MARCHF3: variants seen among roughly 807,000 people sequenced by gnomAD.
The protein encoded by MARCHF3 is E3 ubiquitin-protein ligase MARCHF3.
A neutral mutation model predicts 24.2 loss-of-function variants in MARCHF3; 13 were observed. The ratio of observed to expected loss-of-function variants is 0.54; its 90% CI spans 0.35 to 0.85. The LOEUF (loss-of-function observed/expected upper bound fraction) is 0.85. MARCHF3 is among the 40% of genes least tolerant of loss of function. The probability of loss-of-function intolerance (pLI) is 0.01; values close to 1 mark genes in which losing one functional copy is unlikely to be tolerated. For synonymous variants in MARCHF3, 144 were observed against 137.3 expected, an observed-to-expected ratio of 1.05 and a Z score of -0.34; for missense variants, 276 against 325.0, an observed-to-expected ratio of 0.85 and a Z score of 1.16.
intron 1 of MARCHF3, among the ~76,000 whole-genome samples, chr5:126,927,297 T>C (rs886707583): frequency 6.6e-6 from 1 of 152,210 alleles, no homozygotes; most frequent in Non-Finnish European, 1.5e-5. Context: ...ATAGCCTGTA[T>C]CCTGGATTCT....
intron 1 of MARCHF3, among the ~76,000 whole-genome samples, chr5:126,971,215 C>A (rs61563447): frequency 6.6e-6 from 1 of 151,756 alleles, no homozygotes; most frequent in African/African-American, 2.4e-5. Context: ...TTTGGGAGGC[C>A]GAGGCGGGCA....
At chr5:126,893,172 TTCTC>T (rs1262470883) in intron 3 of MARCHF3, among the ~76,000 whole-genome samples, 7 of 152,118 alleles carry the variant, frequency 4.6e-5, no homozygotes, top group Non-Finnish European at 1.0e-4. Context: ...TATTCGATTC[TTCTC>T]TCTTTTTTTC....
chr5:126,915,117 G>A lies in MARCHF3; in HGVS notation c.206C>T (p.Pro69Leu), dbSNP rs377229243. The A allele has an allele frequency of 2.6e-5, 42 of 1,613,768 alleles. No individual in the cohort carries two copies. The highest frequency in any genetic ancestry group is 3.2e-5 in the Non-Finnish European group (38 of 1,180,048). ...LATQSPFNDR[P>L]MCRICHEGSS... ...GCCCTCGTGGCAGATCCTGCACATCGGCCGGTCATTGAAGGGGCTGCAAGA... is the reference window on the plus strand; with the variant it reads ...GCCCTCGTGGCAGATCCTGCACATCAGCCGGTCATTGAAGGGGCTGCAAGA... The change falls in exon 3 of 5, where the codon CCG becomes CTG. Residue 69 changes from proline to leucine, a missense_variant. Transcript: ENST00000308660.
chr5:126,888,800 T>C (rs575553772), intron 3 of MARCHF3, among the ~76,000 whole-genome samples: 1 of 152,356 alleles, frequency 6.6e-6, no homozygotes, highest in African/African-American at 2.4e-5. Context: ...AGTCTCGCTC[T>C]GTCACCCAGG....
At chr5:126,993,464 T>A (rs967949517) in intron 1 of MARCHF3, among the ~76,000 whole-genome samples, 2 of 152,156 alleles carry the variant, frequency 1.3e-5, no homozygotes, top group African/African-American at 4.8e-5. Flanking sequence ...GGAAATATCA[T>A]CCTCTAAAAG....
intron 3 of MARCHF3, among the ~76,000 whole-genome samples, chr5:126,907,104 C>A (rs1252085762): frequency 6.6e-6 from 1 of 151,758 alleles, no homozygotes; most frequent in South Asian, 2.1e-4. Flanking sequence ...GCAGGTTGTT[C>A]AGTTTCCATG....
At chr5:126,913,348 T>C (rs776094497) in intron 3 of MARCHF3, among the ~76,000 whole-genome samples, 55 of 152,350 alleles carry the variant, frequency 3.6e-4, no homozygotes, top group Admixed American at 1.0e-3. Context: ...CAATATCAAA[T>C]TGGGGAGGTT....
At chr5:126,981,672 T>G (rs1013259926) in intron 1 of MARCHF3, among the ~76,000 whole-genome samples, 1 of 152,256 alleles carries the variant, frequency 6.6e-6, no homozygotes. Flanking sequence ...TGCTTGTGCA[T>G]GCACAAAATT....
intron 1 of MARCHF3, among the ~76,000 whole-genome samples, chr5:126,982,132 C>T (rs1751415317): frequency 6.6e-6 from 1 of 152,224 alleles, no homozygotes; most frequent in Admixed American, 6.5e-5. Flanking sequence ...ACATTTACTT[C>T]TGTGCTTCAT....
intron 1 of MARCHF3, among the ~76,000 whole-genome samples, chr5:126,938,803 C>A (rs1456478816): frequency 6.6e-6 from 1 of 152,222 alleles, no homozygotes; most frequent in Non-Finnish European, 1.5e-5. Context: ...AAAATCACTT[C>A]ACATGTGCAT....
chr5:126,986,740 G>A (rs765589393), intron 1 of MARCHF3, among the ~76,000 whole-genome samples: 29 of 152,094 alleles, frequency 1.9e-4, no homozygotes, highest in Non-Finnish European at 2.2e-4. Context: ...GCTGACCTTC[G>A]TTGACATGCC....
At chr5:126,944,730 A>T (rs2126811669) in intron 1 of MARCHF3, among the ~76,000 whole-genome samples, 1 of 152,344 alleles carries the variant, frequency 6.6e-6, no homozygotes, top group Non-Finnish European at 1.5e-5. Flanking sequence ...TCAGGTATAA[A>T]TTGTATGACT....
intron 1 of MARCHF3, among the ~76,000 whole-genome samples, chr5:127,017,327 T>C (rs1340038634): frequency 1.3e-5 from 2 of 152,202 alleles, no homozygotes; most frequent in Non-Finnish European, 2.9e-5. Flanking sequence ...TTAGAAGATA[T>C]GTCAAATTAA....
At chr5:126,891,743 TTTGGCTTAGGATTGAC>T in intron 3 of MARCHF3, among the ~76,000 whole-genome samples, 1 of 143,610 alleles carries the variant, frequency 7.0e-6, no homozygotes, top group East Asian at 2.1e-4. Flanking sequence ...GCTTTGTTCT[TTTGGCTTAGGATTGAC>T]TTGGCGACGC....
intron 1 of MARCHF3, among the ~76,000 whole-genome samples, chr5:127,018,472 G>C (rs974811410): frequency 2.0e-5 from 3 of 152,182 alleles, no homozygotes; most frequent in African/African-American, 7.2e-5. Context: ...ATTGGTGGTA[G>C]TGCAGGGGAT....
At chr5:126,908,254 T>G (rs550369147) in intron 3 of MARCHF3, among the ~76,000 whole-genome samples, 3 of 152,146 alleles carry the variant, frequency 2.0e-5, no homozygotes, top group Non-Finnish European at 4.4e-5. Flanking sequence ...GCCCTTAAGA[T>G]TTTTTCCTTC....
At chr5:126,998,248 T>TAC (rs1254058722) in intron 1 of MARCHF3, among the ~76,000 whole-genome samples, 1 of 152,202 alleles carries the variant, frequency 6.6e-6, no homozygotes, top group African/African-American at 2.4e-5. Flanking sequence ...GGGTGAGCTG[T>TAC]ACAACCAGGA....
At chr5:126,904,293 T>C (rs1247510303) in intron 3 of MARCHF3, among the ~76,000 whole-genome samples, 1 of 150,932 alleles carries the variant, frequency 6.6e-6, no homozygotes, top group Non-Finnish European at 1.5e-5. Flanking sequence ...TGTGTCTTTA[T>C]AGCAGCATGA....
At chr5:127,014,553 C>T (rs781754073) in intron 1 of MARCHF3, among the ~76,000 whole-genome samples, 40 of 152,092 alleles carry the variant, frequency 2.6e-4, no homozygotes, top group Non-Finnish European at 5.3e-4. Flanking sequence ...ATGGAATCAA[C>T]CTAAGTGTCC....
Sources: allele counts gnomAD v4.1 joint callset (sites outside exome capture counted in the v4.1 genomes callset), GRCh38; gene constraint gnomAD v4.1.1; transcripts MANE v1.5; gene names NCBI Gene and HGNC (gene_info 2026-07-23, HGNC 2026-07-21).